The following UVRAG variants were observed in gnomAD, a reference collection of about 807,000 sequenced individuals.
UVRAG encodes the protein UV radiation resistance associated.
In UVRAG, 19 loss-of-function variants were observed where a neutral mutation model predicts 78.0. That is an observed-to-expected ratio of 0.24 (90% confidence interval 0.17 to 0.36). UVRAG has a LOEUF of 0.36. Ranked by LOEUF, UVRAG falls within the 10% of genes least tolerant of loss-of-function variation. The pLI is 1.00. For missense variants in UVRAG, 740 were observed against 853.8 expected (o/e 0.87, Z 1.66); for synonymous variants, 323 against 324.6 (o/e 1.00, Z 0.05).
intron 3 of UVRAG, among the ~76,000 whole-genome samples, chr11:75,874,041 G>T (rs75928243): frequency 1.3e-5 from 2 of 152,094 alleles, no homozygotes; most frequent in African/African-American, 4.8e-5. Context: ...CGTTTGTTTT[G>T]TCTCAGCTCT....
At chr11:75,877,857 G>A (rs1356665175) in intron 3 of UVRAG, among the ~76,000 whole-genome samples, 1 of 146,258 alleles carries the variant, frequency 6.8e-6, no homozygotes, top group Non-Finnish European at 1.5e-5. Context: ...CTGGCCGGGC[G>A]GGGGGCTGAC....
chr11:75,854,193 G>A (rs1352832376), intron 2 of UVRAG, among the ~76,000 whole-genome samples: 1 of 152,206 alleles, frequency 6.6e-6, no homozygotes, highest in Admixed American at 6.5e-5. Flanking sequence ...GTCCAGTGTA[G>A]GTGTTCTTTA....
At position 75,932,087 on chromosome 11, in the gene UVRAG, A is replaced by G. The variant is rs552370811; in HGVS notation, c.593+20048A>G. 2.4e-3 allele frequency among the ~76,000 whole-genome samples: 367 copies of G among 152,178 alleles called. 3 individuals carry two copies. Among genetic ancestry groups the G allele is most frequent in the African/African-American group, 8.1e-3 (338 of 41,508 alleles). On this transcript the variant is annotated intron_variant, in intron 6 of 14. Transcript: ENST00000356136. ...TTTCTCATTGGATATGTGAATTCCA[A>G]CCTTCTTTTTGAATGACATTTAGTA...
intron 12 of UVRAG, among the ~76,000 whole-genome samples, chr11:76,028,417 A>C (rs1266051331): frequency 6.6e-6 from 1 of 152,138 alleles, no homozygotes; most frequent in Admixed American, 6.6e-5. Flanking sequence ...TTAAATTAAA[A>C]GCTAGGAATG....
chr11:76,141,580 C>G lies in UVRAG; in HGVS notation c.*167C>G. On this transcript the variant is annotated 3_prime_UTR_variant, in exon 15 of 15. Coordinates refer to ENST00000356136, the MANE Select transcript of UVRAG (RefSeq NM_003369.4). ...AGGAGGGACTCAGGATCATTGTTAT[C>G]AGTGGGCCAAAGTTAGATTTTGCTT... The G allele has an allele frequency of 6.7e-6, 5 of 750,012 alleles. No individual in the cohort carries two copies. Among genetic ancestry groups the G allele is most frequent in the Non-Finnish European group, 1.0e-5 (5 of 482,102 alleles). 46.5% of individuals were successfully genotyped at this position (750,012 alleles called of 1,614,324 possible).
intron 11 of UVRAG, among the ~76,000 whole-genome samples, chr11:76,011,281 T>G (rs556415078): frequency 3.6e-4 from 55 of 152,286 alleles, no homozygotes; most frequent in Non-Finnish European, 6.6e-4. Flanking sequence ...CCCATTACCC[T>G]TAGGAATCAG....
chr11:76,053,343 A>ACACACACACACACACACACAC (rs61533528), intron 12 of UVRAG, among the ~76,000 whole-genome samples: 2 of 147,064 alleles, frequency 1.4e-5, no homozygotes, highest in African/African-American at 5.3e-5. Context: ...ACACACACAC[A>ACACACACACACACACACACAC]AAAATAAATA....
intron 1 of UVRAG, among the ~76,000 whole-genome samples, chr11:75,831,304 T>C (rs1945649035): frequency 6.6e-6 from 1 of 151,992 alleles, no homozygotes; most frequent in African/African-American, 2.4e-5. Flanking sequence ...CTGGTCAACA[T>C]GGTGAAACCC....
chr11:76,039,295 C>T (rs1344752359), intron 12 of UVRAG, among the ~76,000 whole-genome samples: 1 of 152,124 alleles, frequency 6.6e-6, no homozygotes, highest in Non-Finnish European at 1.5e-5. Flanking sequence ...GTTATAAGAA[C>T]TCATTGTAAA....
intron 6 of UVRAG, among the ~76,000 whole-genome samples, chr11:75,927,435 T>A (rs1948135154): frequency 6.6e-6 from 1 of 152,166 alleles, no homozygotes; most frequent in South Asian, 2.1e-4. Flanking sequence ...AATATAATGA[T>A]AGCTATGTTT....
In UVRAG at chr11:75,928,939, C is replaced by CAAAAAAAAAA. The variant is rs368913080; in HGVS notation, c.593+16916_593+16925dup. Among the ~76,000 whole-genome samples, 21 of 67,488 alleles carry CAAAAAAAAAA rather than the reference C, an allele frequency of 3.1e-4. 1 individual carries two copies. Among genetic ancestry groups the CAAAAAAAAAA allele is most frequent in the African/African-American group, 1.6e-3 (21 of 12,786 alleles). The allele number at this position is 67,488 out of a possible 152,430, so 44.3% of individuals were successfully genotyped here. A position where few individuals can be genotyped will look rare whatever the true frequency, so the allele number is the denominator to read the frequency against. On this transcript the variant is annotated intron_variant, in intron 6 of 14. Coordinates refer to ENST00000356136, the MANE Select transcript of UVRAG (RefSeq NM_003369.4). ...CCTGGGCGACAGAGCGAGACTGTCT[C>CAAAAAAAAAA]AAAAAAAAAAAAAAAAAAAAAAAAA...
chr11:75,958,210 G>A (rs1212499441), intron 6 of UVRAG, among the ~76,000 whole-genome samples: 1 of 152,120 alleles, frequency 6.6e-6, no homozygotes, highest in Non-Finnish European at 1.5e-5. Context: ...CTTAAAATAA[G>A]ACAACATGAA....
intron 14 of UVRAG, among the ~76,000 whole-genome samples, chr11:76,131,142 A>G: frequency 6.6e-6 from 1 of 152,138 alleles, no homozygotes; most frequent in East Asian, 1.9e-4. Context: ...AGACCATTTT[A>G]CAGTCCTCAT....
chr11:75,876,809 A>C (rs1277349363), intron 3 of UVRAG, among the ~76,000 whole-genome samples: 2 of 151,564 alleles, frequency 1.3e-5, no homozygotes, highest in Non-Finnish European at 2.9e-5. Context: ...TTTTGTTTAC[A>C]TTCAGCAGTG....
At chr11:76,095,172 G>A (rs1157263599) in intron 13 of UVRAG, among the ~76,000 whole-genome samples, 1 of 152,126 alleles carries the variant, frequency 6.6e-6, no homozygotes, top group Non-Finnish European at 1.5e-5. Context: ...AGTTTGAAAG[G>A]AAATCTGGGG....
At chr11:76,103,037 C>A (rs375815222) in intron 13 of UVRAG, among the ~76,000 whole-genome samples, 1 of 152,148 alleles carries the variant, frequency 6.6e-6, no homozygotes, top group African/African-American at 2.4e-5. Context: ...GGCCTTCAGC[C>A]AGGGGCCACT....
chr11:75,937,465 T>C (rs951973845), intron 6 of UVRAG, among the ~76,000 whole-genome samples: 19 of 152,250 alleles, frequency 1.2e-4, no homozygotes, highest in African/African-American at 4.6e-4. Context: ...TCTTTCAGTA[T>C]GTCTGAAAAC....
chr11:76,069,728 G>A (rs1370627767), intron 13 of UVRAG, among the ~76,000 whole-genome samples: 1 of 152,106 alleles, frequency 6.6e-6, no homozygotes, highest in Non-Finnish European at 1.5e-5. Flanking sequence ...ATCGATTTGA[G>A]GACAGCTTGG....
At chr11:75,855,174 T>C (rs985459877) in intron 2 of UVRAG, among the ~76,000 whole-genome samples, 11 of 152,230 alleles carry the variant, frequency 7.2e-5, no homozygotes, top group African/African-American at 2.7e-4. Context: ...GTTTTTGTTT[T>C]TTCTCTCTTC....
Sources: allele counts gnomAD v4.1 joint callset (sites outside exome capture counted in the v4.1 genomes callset), GRCh38; gene constraint gnomAD v4.1.1; transcripts MANE v1.5; gene names NCBI Gene and HGNC (gene_info 2026-07-23, HGNC 2026-07-21).